The following CTNNA2 variants were observed in gnomAD, a reference collection of about 807,000 sequenced individuals.
CTNNA2 encodes the protein catenin alpha 2, also known as catenin alpha-2.
Under a neutral mutation model 101.0 loss-of-function variants are expected in CTNNA2, and 42 were observed. The observed-to-expected ratio is 0.42, with a 90% CI of 0.32 to 0.54. The LOEUF (loss-of-function observed/expected upper bound fraction) is 0.54. Among genes scored for constraint, CTNNA2 ranks in the 20% least tolerant of loss-of-function variants. The probability of loss-of-function intolerance (pLI) is 0.14; values close to 1 mark genes in which losing one functional copy is unlikely to be tolerated. For synonymous variants in CTNNA2, 450 were observed against 456.4 expected (o/e 0.99, Z 0.18); for missense variants, 871 against 1,223.1 (o/e 0.71, Z 4.29).
intron 4 of CTNNA2, among the ~76,000 whole-genome samples, chr2:79,457,394 AGTGTT>A (rs1670837260): frequency 6.6e-6 from 1 of 152,122 alleles, no homozygotes; most frequent in African/African-American, 2.4e-5. Context: ...TACAGTTCAC[AGTGTT>A]GTGTGACCTG....
chr2:80,509,972 C>T (rs1053760102), intron 9 of CTNNA2, among the ~76,000 whole-genome samples: 3 of 152,216 alleles, frequency 2.0e-5, no homozygotes, highest in Non-Finnish European at 2.9e-5. Context: ...GTTCTACTCT[C>T]ATTGTACCTA....
chr2:79,389,524 G>A (rs1678143638), intron 4 of CTNNA2, among the ~76,000 whole-genome samples: 1 of 152,196 alleles, frequency 6.6e-6, no homozygotes, highest in Non-Finnish European at 1.5e-5. Flanking sequence ...ATCAGTATAT[G>A]TTTTGTTAAT....
Position 79,874,362 on chromosome 2 carries a change from A to T in CTNNA2, c.852+20A>T. ...TTTGACGTAAGCATCCTGGTGAGGT[A>T]CACAGAGGGGTGGGCACTGGTGTTG... On this transcript the variant is annotated intron_variant, in intron 6 of 18. Transcript: ENST00000402739. The T allele has an allele frequency of 6.2e-7, 1 of 1,610,230 alleles. No individual in the cohort carries two copies. The highest frequency in any genetic ancestry group is 1.1e-5 in the South Asian group (1 of 90,948).
chr2:80,300,794 G>A (rs770314480), intron 7 of CTNNA2, among the ~76,000 whole-genome samples: 7 of 151,962 alleles, frequency 4.6e-5, no homozygotes, highest in East Asian at 1.9e-4. Flanking sequence ...GGAGCCCTCC[G>A]TCCAATGCAC....
chr2:79,306,588 T>A (rs1314379098), intron 2 of CTNNA2, among the ~76,000 whole-genome samples: 1 of 152,256 alleles, frequency 6.6e-6, no homozygotes, highest in African/African-American at 2.4e-5. Flanking sequence ...TTTTAAATTT[T>A]AGGTATTGCA....
At chr2:80,371,473 A>G (rs908174482) in intron 7 of CTNNA2, among the ~76,000 whole-genome samples, 4 of 151,986 alleles carry the variant, frequency 2.6e-5, no homozygotes, top group African/African-American at 9.7e-5. Context: ...GACAGGAACC[A>G]TGGTAGAAAG....
chr2:79,243,404 A>G (rs1371642690), intron 2 of CTNNA2, among the ~76,000 whole-genome samples: 1 of 152,208 alleles, frequency 6.6e-6, no homozygotes, highest in Non-Finnish European at 1.5e-5. Context: ...TTGTTGCAGT[A>G]TTACAGAGAG....
At chr2:79,723,963 G>A (rs146442434) in intron 2 of CTNNA2, among the ~76,000 whole-genome samples, 3 of 152,166 alleles carry the variant, frequency 2.0e-5, no homozygotes, top group East Asian at 1.9e-4. Context: ...TTGGTCTTGC[G>A]TCTGATGCAC....
At chr2:79,714,022 T>C (rs763970787) in intron 2 of CTNNA2, among the ~76,000 whole-genome samples, 21 of 152,142 alleles carry the variant, frequency 1.4e-4, no homozygotes, top group Non-Finnish European at 2.2e-4. Flanking sequence ...CTTTACGAAG[T>C]AGAGCAAGAA....
At chr2:80,297,449 C>T (rs750067222) in intron 7 of CTNNA2, among the ~76,000 whole-genome samples, 5 of 152,152 alleles carry the variant, frequency 3.3e-5, no homozygotes, top group Non-Finnish European at 5.9e-5. Flanking sequence ...ACCATACCAG[C>T]GACTGCTCAG....
chr2:79,724,706 T>C (rs1391058717), intron 2 of CTNNA2, among the ~76,000 whole-genome samples: 1 of 150,632 alleles, frequency 6.6e-6, no homozygotes, highest in East Asian at 2.0e-4. Context: ...TCCCAGCTAC[T>C]TTGGAGGCTG....
chr2:80,180,206 TC>T (rs1705686932), intron 7 of CTNNA2, among the ~76,000 whole-genome samples: 1 of 152,130 alleles, frequency 6.6e-6, no homozygotes, highest in African/African-American at 2.4e-5. Flanking sequence ...GTGGGGTCTT[TC>T]CTCAAGGGGA....
chr2:79,345,670 T>C (rs1438405796), intron 3 of CTNNA2, among the ~76,000 whole-genome samples: 6 of 152,012 alleles, frequency 3.9e-5, no homozygotes, highest in Admixed American at 2.6e-4. Context: ...TGGGGTTTTT[T>C]GTTTGTCTGT....
chr2:79,613,652 A>G (rs1310504401), intron 1 of CTNNA2, among the ~76,000 whole-genome samples: 1 of 152,154 alleles, frequency 6.6e-6, no homozygotes, highest in Admixed American at 6.6e-5. Context: ...TTAAGGATGT[A>G]CTAAGTATCA....
At chr2:80,097,011 A>T (rs1418434259) in intron 7 of CTNNA2, among the ~76,000 whole-genome samples, 1 of 152,124 alleles carries the variant, frequency 6.6e-6, no homozygotes, top group East Asian at 1.9e-4. Context: ...TTTACATTTA[A>T]GGTTAATATT....
chr2:79,523,166 T>G (rs1355578718), intron 1 of CTNNA2: 1 of 365,620 alleles, frequency 2.7e-6, no homozygotes, highest in Non-Finnish European at 5.4e-6. Flanking sequence ...AACATTGCAT[T>G]TTTTTGGAAT....
chr2:80,483,249 T>C (rs548550170), intron 9 of CTNNA2, among the ~76,000 whole-genome samples: 27 of 152,108 alleles, frequency 1.8e-4, no homozygotes, highest in African/African-American at 6.0e-4. Context: ...CTTTCTTTCA[T>C]TCCCATCTAG....
chr2:80,606,473 C>A, intron 16 of CTNNA2, among the ~76,000 whole-genome samples: 1 of 151,522 alleles, frequency 6.6e-6, no homozygotes, highest in East Asian at 2.0e-4. Context: ...TACTATTTCA[C>A]AGTGACTCAA....
intron 7 of CTNNA2, among the ~76,000 whole-genome samples, chr2:80,352,507 G>C (rs938754667): frequency 1.3e-5 from 2 of 152,156 alleles, no homozygotes; most frequent in Admixed American, 1.3e-4. Context: ...CAGGCAATGA[G>C]TCTAATGCCA....
Sources: allele counts gnomAD v4.1 joint callset (sites outside exome capture counted in the v4.1 genomes callset), GRCh38; gene constraint gnomAD v4.1.1; transcripts MANE v1.5; gene names NCBI Gene and HGNC (gene_info 2026-07-23, HGNC 2026-07-21).